The following RASAL2 variants were observed in gnomAD, a reference collection of about 807,000 sequenced individuals.
RASAL2 encodes ras GTPase-activating protein nGAP.
RASAL2 carries 58 observed loss-of-function variants against 128.9 expected under a neutral mutation model. That is an observed-to-expected ratio of 0.45 (90% CI 0.36 to 0.56). The LOEUF (loss-of-function observed/expected upper bound fraction) is 0.56. Among genes scored for constraint, RASAL2 ranks in the 20% least tolerant of loss-of-function variants. RASAL2 has a pLI of 0.00. For missense variants in RASAL2, 1,360 were observed against 1,601.6 expected (o/e 0.85, Z 2.57); for synonymous variants, 561 against 580.8 (o/e 0.97, Z 0.49).
chr1:178,197,837 T>A (rs577250302), intron 1 of RASAL2, among the ~76,000 whole-genome samples: 1 of 152,294 alleles, frequency 6.6e-6, no homozygotes, highest in East Asian at 1.9e-4. Flanking sequence ...CTCCTAATGC[T>A]ATCCTTCCCC....
At chr1:178,157,871 A>C (rs1229123042) in intron 1 of RASAL2, among the ~76,000 whole-genome samples, 1 of 152,218 alleles carries the variant, frequency 6.6e-6, no homozygotes, top group African/African-American at 2.4e-5. Context: ...AGGAGTTACC[A>C]TAAAAATATC....
chr1:178,339,214 G>A (rs1383755244), intron 3 of RASAL2, among the ~76,000 whole-genome samples: 1 of 152,148 alleles, frequency 6.6e-6, no homozygotes, highest in Non-Finnish European at 1.5e-5. Flanking sequence ...GAAGCCAATA[G>A]AATTAAATAC....
intron 1 of RASAL2, among the ~76,000 whole-genome samples, chr1:178,152,571 A>G (rs1660949412): frequency 6.6e-6 from 1 of 152,116 alleles, no homozygotes; most frequent in Admixed American, 6.6e-5. Context: ...AGGCTGAGGC[A>G]GGAGAATCAC....
At position 178,478,374 on chromosome 1, in the gene RASAL2, G is replaced by T. The variant is rs1441193699; in HGVS notation, c.*5135G>T. 1 of 152,198 alleles carries T rather than the reference G, an allele frequency of 6.6e-6. No individual in the cohort carries two copies. The highest frequency in any genetic ancestry group is 1.5e-5 in the Non-Finnish European group (1 of 68,028). The allele number at this position is 152,198 out of a possible 1,614,324, so 9.4% of individuals were successfully genotyped here. On this transcript the variant is annotated 3_prime_UTR_variant, in exon 18 of 18. Coordinates refer to ENST00000367649, the MANE Select transcript of RASAL2 (RefSeq NM_170692.4). ...TGACTCAATGACCACCTTCAGGAAA[G>T]TTAAATAGTAAATTAGGTTAAATTT...
chr1:178,371,582 AAGG>A (rs1394308610), intron 3 of RASAL2, among the ~76,000 whole-genome samples: 1 of 152,036 alleles, frequency 6.6e-6, no homozygotes, highest in Non-Finnish European at 1.5e-5. Flanking sequence ...GAGGAGAAGA[AAGG>A]AGGGATGAGA....
intron 1 of RASAL2, among the ~76,000 whole-genome samples, chr1:178,266,848 A>C (rs184158730): frequency 6.6e-6 from 1 of 152,172 alleles, no homozygotes; most frequent in South Asian, 2.1e-4. Flanking sequence ...GCAGAGTGCC[A>C]TGAGTTTCTA....
rs146693437 is a variant in RASAL2 at position 178,147,839 on chromosome 1, G to A, written c.202+53145G>A. ...AATCCCAGCACTTTGGGAGGCCAAG[G>A]TGGGTGGATCACCTGAGGTCAGGGG... On this transcript the variant is annotated intron_variant, in intron 1 of 17. Transcript: ENST00000367649. Among the ~76,000 whole-genome samples, 1,420 of 152,296 alleles carry A rather than the reference G, an allele frequency of 9.3e-3. 26 individuals are homozygous for A. The highest frequency in any genetic ancestry group is 0.032 in the African/African-American group (1,350 of 41,566).
intron 4 of RASAL2, among the ~76,000 whole-genome samples, chr1:178,404,202 G>A (rs1187947943): frequency 6.7e-6 from 1 of 148,294 alleles, no homozygotes; most frequent in Non-Finnish European, 1.5e-5. Flanking sequence ...CTCCAGCTGA[G>A]GCTACAGTGC....
intron 3 of RASAL2, among the ~76,000 whole-genome samples, chr1:178,386,778 A>G: frequency 6.6e-6 from 1 of 152,182 alleles, no homozygotes; most frequent in East Asian, 1.9e-4. Flanking sequence ...AAGAACATTA[A>G]TTTTACAGCA....
At chr1:178,423,188 G>T (rs924211465) in intron 5 of RASAL2, among the ~76,000 whole-genome samples, 3 of 151,940 alleles carry the variant, frequency 2.0e-5, no homozygotes, top group African/African-American at 7.2e-5. Flanking sequence ...TTATAATAAT[G>T]TACCTCACTT....
intron 2 of RASAL2, among the ~76,000 whole-genome samples, chr1:178,286,623 G>A (rs550655250): frequency 6.6e-6 from 1 of 152,218 alleles, no homozygotes; most frequent in African/African-American, 2.4e-5. Flanking sequence ...TGTTGGCCAG[G>A]CTGGTCTCGA....
intron 1 of RASAL2, among the ~76,000 whole-genome samples, chr1:178,233,475 G>T (rs747438412): frequency 6.6e-6 from 1 of 152,236 alleles, no homozygotes; most frequent in African/African-American, 2.4e-5. Context: ...GCCACTGGGT[G>T]CTTATCGGTG....
rs1254466989 is a variant in RASAL2, at chr1:178,456,761, C to A, written c.2252C>A (p.Ala751Asp). The part of the protein sequence containing the change: ...AKLGPLPRVL[A>D]DITKSLTNPT... ...TTGGGGCCTCTCCCTCGTGTTCTTG[C>A]TGATATTACCAAGTCATTGACTAAT... Residue 751 changes from alanine to aspartate, a missense_variant, in exon 13 of 18, where the codon GCT becomes GAT. Ala to Asp is a moderately radical substitution (Grantham distance 126). This residue lies in a region of RASAL2 where 741 missense variants were observed against 868.6 expected (regional missense o/e 0.85). Coordinates refer to ENST00000367649, the MANE Select transcript of RASAL2 (RefSeq NM_170692.4). The A allele has an allele frequency of 6.2e-7, 1 of 1,614,128 alleles. No individual in the cohort carries two copies. The highest frequency in any genetic ancestry group is 8.5e-7 in the Non-Finnish European group (1 of 1,180,022).
At chr1:178,322,470 G>A (rs561855724) in intron 3 of RASAL2, among the ~76,000 whole-genome samples, 43 of 152,118 alleles carry the variant, frequency 2.8e-4, no homozygotes, top group Non-Finnish European at 4.7e-4. Context: ...CCAACTGGTC[G>A]TCTGTACTAG....
At chr1:178,360,147 A>G (rs1033535487) in intron 3 of RASAL2, among the ~76,000 whole-genome samples, 1 of 152,166 alleles carries the variant, frequency 6.6e-6, no homozygotes, top group African/African-American at 2.4e-5. Context: ...TTTATCTCAT[A>G]TCCTATTTAA....
At chr1:178,270,381 T>C (rs911134152) in intron 1 of RASAL2, among the ~76,000 whole-genome samples, 2 of 152,098 alleles carry the variant, frequency 1.3e-5, no homozygotes, top group African/African-American at 4.8e-5. Flanking sequence ...TCTTTTTGTC[T>C]TTTTGATCTA....
intron 2 of RASAL2, among the ~76,000 whole-genome samples, chr1:178,295,558 A>G (rs897319460): frequency 1.3e-5 from 2 of 151,954 alleles, no homozygotes; most frequent in African/African-American, 4.8e-5. Context: ...ATGCTTATCC[A>G]TGATAGGAAG....
At chr1:178,139,308 G>A (rs918308709) in intron 1 of RASAL2, among the ~76,000 whole-genome samples, 6 of 151,898 alleles carry the variant, frequency 4.0e-5, no homozygotes, top group Admixed American at 3.3e-4. Flanking sequence ...GAAAAATGGA[G>A]CATTTCAGTT....
intron 5 of RASAL2, among the ~76,000 whole-genome samples, chr1:178,435,549 A>T (rs569137826): frequency 1.6e-4 from 24 of 152,252 alleles, no homozygotes; most frequent in African/African-American, 5.5e-4. Context: ...CTAGTAGTTT[A>T]TTTCTTAAAT....
Sources: allele counts gnomAD v4.1 joint callset (sites outside exome capture counted in the v4.1 genomes callset), GRCh38; gene constraint gnomAD v4.1.1; regional missense constraint gnomAD v4.1.1; transcripts MANE v1.5; gene names NCBI Gene and HGNC (gene_info 2026-07-23, HGNC 2026-07-21).